The following GPHN variants were observed in gnomAD, a reference collection of about 807,000 sequenced individuals.
The protein encoded by GPHN is gephyrin.
Under a neutral mutation model 95.5 loss-of-function variants are expected in GPHN, and 17 were observed. The ratio of observed to expected loss-of-function variants is 0.18; its 90% confidence interval spans 0.12 to 0.27. GPHN has a LOEUF of 0.27. Among genes scored for constraint, GPHN ranks in the 10% least tolerant of loss-of-function variants. The pLI, the probability that GPHN is intolerant of heterozygous loss-of-function variation, is 1.00. For synonymous variants in GPHN, 320 were observed against 322.5 expected (o/e 0.99, Z 0.08); for missense variants, 660 against 978.1 (o/e 0.67, Z 4.34).
At chr14:67,078,454 C>G (rs1315830465) in intron 11 of GPHN, among the ~76,000 whole-genome samples, 1 of 152,144 alleles carries the variant, frequency 6.6e-6, no homozygotes, top group Non-Finnish European at 1.5e-5. Flanking sequence ...CCCCGGTTCC[C>G]ATTTAAGTTT....
chr14:67,351,598 T>A, the GPHN span, among the ~76,000 whole-genome samples: 1 of 152,178 alleles, frequency 6.6e-6, no homozygotes, highest in Non-Finnish European at 1.5e-5. Context: ...AGCTTCAAAC[T>A]CATAGGCTCA....
the GPHN span, chr14:67,733,690 A>G: frequency 8.4e-7 from 1 of 1,186,368 alleles, no homozygotes. Flanking sequence ...GACCATAAAG[A>G]TTTCCAGACT....
chr14:67,510,015 A>T, the GPHN span, among the ~76,000 whole-genome samples: 2 of 101,332 alleles, frequency 2.0e-5, no homozygotes, highest in African/African-American at 5.7e-5. Flanking sequence ...GTCTCTAAAA[A>T]AATTTTTTTA....
the GPHN span, among the ~76,000 whole-genome samples, chr14:67,423,554 A>G: frequency 5.3e-5 from 8 of 152,154 alleles, no homozygotes; most frequent in Admixed American, 5.2e-4. Flanking sequence ...TCAAAGGGAA[A>G]GTGGGCATCA....
the GPHN span, among the ~76,000 whole-genome samples, chr14:67,563,444 G>T: frequency 6.6e-6 from 1 of 151,594 alleles, no homozygotes; most frequent in African/African-American, 2.4e-5. Flanking sequence ...TGGGGGGTGG[G>T]GGTGAGGGGG....
intron 8 of GPHN, among the ~76,000 whole-genome samples, chr14:66,926,809 A>G (rs1452415106): frequency 1.3e-5 from 2 of 152,152 alleles, no homozygotes; most frequent in African/African-American, 2.4e-5. Context: ...TAGGGATTGC[A>G]TTGAGTCCAT....
At chr14:67,345,984 A>C in the GPHN span, 1 of 687,800 alleles carries the variant, frequency 1.5e-6, no homozygotes, top group South Asian at 1.8e-5. Flanking sequence ...TGAATTCACT[A>C]ATCTTCATTG....
At chr14:67,102,928 T>C (rs910295741) in intron 13 of GPHN, among the ~76,000 whole-genome samples, 3 of 152,250 alleles carry the variant, frequency 2.0e-5, no homozygotes, top group African/African-American at 7.2e-5. Flanking sequence ...ATACATATTC[T>C]CATCCATACT....
At chr14:67,477,351 G>T in the GPHN span, among the ~76,000 whole-genome samples, 9 of 152,108 alleles carry the variant, frequency 5.9e-5, no homozygotes, top group Admixed American at 3.9e-4. Context: ...TCTGTTAGGC[G>T]TGCCTTTCTC....
At chr14:66,556,929 G>A (rs750380049) in intron 1 of GPHN, among the ~76,000 whole-genome samples, 2 of 152,178 alleles carry the variant, frequency 1.3e-5, no homozygotes, top group Non-Finnish European at 2.9e-5. Flanking sequence ...GCTGAGTGCA[G>A]TTGCTCATGC....
chr14:66,830,877 AG>A (rs2061555251), intron 4 of GPHN, among the ~76,000 whole-genome samples: 1 of 151,948 alleles, frequency 6.6e-6, no homozygotes, highest in Admixed American at 6.6e-5. Context: ...TACAAATTAA[AG>A]AAAGTTACAA....
At chr14:67,727,507 AG>A in the GPHN span, 10 of 324,500 alleles carry the variant, frequency 3.1e-5, no homozygotes, top group East Asian at 8.5e-4. Flanking sequence ...TTGAGACTTG[AG>A]TTTCGCTCTT....
chr14:67,270,926 T>C, the GPHN span: 1 of 152,160 alleles, frequency 6.6e-6, no homozygotes, highest in Non-Finnish European at 1.5e-5. Context: ...TAGAAATCAA[T>C]GGAAAAGTAG....
At chr14:67,101,283 A>G (rs1407225202) in intron 13 of GPHN, among the ~76,000 whole-genome samples, 1 of 152,014 alleles carries the variant, frequency 6.6e-6, no homozygotes, top group Non-Finnish European at 1.5e-5. Flanking sequence ...TTAGAAGTAG[A>G]TTATTTAAAC....
At chr14:66,508,868 C>CCGCA (rs1355013539) in intron 1 of GPHN, among the ~76,000 whole-genome samples, 1 of 152,160 alleles carries the variant, frequency 6.6e-6, no homozygotes, top group East Asian at 1.9e-4. Context: ...GACCGAGGGG[C>CCGCA]CGGTGCGGAG....
intron 11 of GPHN, among the ~76,000 whole-genome samples, chr14:67,088,657 A>C (rs1041518277): frequency 6.6e-6 from 1 of 152,228 alleles, no homozygotes; most frequent in Admixed American, 6.5e-5. Context: ...AAACGTTTAA[A>C]GTTGGCTTTC....
At chr14:67,384,215 T>C in the GPHN span, 6 of 152,204 alleles carry the variant, frequency 3.9e-5, no homozygotes, top group African/African-American at 1.2e-4. Flanking sequence ...TGGTAAAGTA[T>C]GTTTTTAAAT....
At position 66,509,816 on chromosome 14, in the gene GPHN, A is replaced by G. The variant is rs138649705; in HGVS notation, c.64+1225A>G. On this transcript the variant is annotated intron_variant, in intron 1 of 22. Coordinates refer to ENST00000478722, the MANE Select transcript of GPHN (RefSeq NM_020806.5). Reference sequence around the variant, plus strand: ...CGAGACGGTGCTCGAGAAGGGACTAAATTGAATAAGACTTGCTTTTATTAT... The same window carrying G: ...CGAGACGGTGCTCGAGAAGGGACTAGATTGAATAAGACTTGCTTTTATTAT... Among the ~76,000 whole-genome samples, 130 of 152,188 alleles carry G rather than the reference A, an allele frequency of 8.5e-4. 3 individuals are homozygous for G. The East Asian group carries it at 0.021, about 25-fold the overall frequency.
intron 4 of GPHN, among the ~76,000 whole-genome samples, chr14:66,852,276 A>T (rs2062614233): frequency 1.3e-5 from 2 of 152,184 alleles, no homozygotes; most frequent in Non-Finnish European, 2.9e-5. Flanking sequence ...GTTTGTTTTC[A>T]TTTCAATTTT....
Sources: allele counts gnomAD v4.1 joint callset (sites outside exome capture counted in the v4.1 genomes callset), GRCh38; gene constraint gnomAD v4.1.1; transcripts MANE v1.5; gene names NCBI Gene and HGNC (gene_info 2026-07-23, HGNC 2026-07-21).